Variants in EXOC2 observed in about 807,000 individuals in gnomAD.
EXOC2 encodes exocyst complex component 2.
A neutral mutation model predicts 131.8 loss-of-function variants in EXOC2; 70 were observed. That is an observed-to-expected ratio of 0.53 (90% CI 0.44 to 0.65). EXOC2 has a LOEUF of 0.65. Ranked by LOEUF, EXOC2 falls within the 30% of genes least tolerant of loss-of-function variation. The probability of loss-of-function intolerance (pLI) is 0.00; values close to 1 mark genes in which losing one functional copy is unlikely to be tolerated. For synonymous variants in EXOC2, 411 were observed against 398.4 expected, an observed-to-expected ratio of 1.03 and a Z score of -0.38; for missense variants, 923 against 1,108.6, an observed-to-expected ratio of 0.83 and a Z score of 2.38.
chr6:643,910 T>A (rs1446536762), intron 1 of EXOC2, among the ~76,000 whole-genome samples: 1 of 152,156 alleles, frequency 6.6e-6, no homozygotes, highest in African/African-American at 2.4e-5. Flanking sequence ...AGCTTTATGC[T>A]GATAAATTTT....
At chr6:555,893 AG>A in intron 19 of EXOC2, 60 bp downstream of exon 19, 1 of 1,486,594 alleles carries the variant, frequency 6.7e-7, no homozygotes, top group East Asian at 2.3e-5. Flanking sequence ...TAAATAGGAG[AG>A]GGGTTGACTG....
chr6:607,574 C>T (rs1488960098), intron 7 of EXOC2, among the ~76,000 whole-genome samples: 2 of 152,206 alleles, frequency 1.3e-5, no homozygotes, highest in Non-Finnish European at 2.9e-5. Context: ...GGGACTATTT[C>T]AATTTAAAGC....
chr6:632,920 T>G (rs1761924441), intron 3 of EXOC2, 21 bp downstream of exon 3: 2 of 1,592,448 alleles, frequency 1.3e-6, no homozygotes, highest in Non-Finnish European at 1.7e-6. Context: ...TTCTTTAGAA[T>G]AAACCCATGA....
At chr6:543,848 G>A (rs777304471) in intron 22 of EXOC2, among the ~76,000 whole-genome samples, 7 of 152,162 alleles carry the variant, frequency 4.6e-5, no homozygotes, top group African/African-American at 7.2e-5. Flanking sequence ...TTGAAATCTC[G>A]ATGGAAACTT....
chr6:516,390 C>T (rs924407185), intron 23 of EXOC2, among the ~76,000 whole-genome samples: 3 of 152,174 alleles, frequency 2.0e-5, no homozygotes, highest in Non-Finnish European at 4.4e-5. Context: ...TTCCCACGCA[C>T]AGAGCTAGCT....
chr6:632,062 G>C (rs999145051), intron 3 of EXOC2, among the ~76,000 whole-genome samples: 1 of 152,250 alleles, frequency 6.6e-6, no homozygotes, highest in East Asian at 1.9e-4. Flanking sequence ...TGCTGACCAG[G>C]TGCAAGACAT....
At chr6:650,391 C>G (rs951792079) in intron 1 of EXOC2, among the ~76,000 whole-genome samples, 1 of 152,178 alleles carries the variant, frequency 6.6e-6, no homozygotes, top group Non-Finnish European at 1.5e-5. Flanking sequence ...TTAAATTCAG[C>G]AACTAATGCA....
chr6:688,456 G>A (rs572380969), intron 1 of EXOC2, among the ~76,000 whole-genome samples: 2 of 152,210 alleles, frequency 1.3e-5, no homozygotes, highest in South Asian at 4.1e-4. Context: ...ATACAACTGA[G>A]CACACTGGCA....
chr6:578,850 G>A (rs529752666), intron 11 of EXOC2, among the ~76,000 whole-genome samples: 1 of 152,114 alleles, frequency 6.6e-6, no homozygotes, highest in East Asian at 1.9e-4. Context: ...TTGTGTGGAT[G>A]TTCTAGTGAT....
At chr6:644,398 A>G (rs1311399078) in intron 1 of EXOC2, among the ~76,000 whole-genome samples, 1 of 152,162 alleles carries the variant, frequency 6.6e-6, no homozygotes, top group Non-Finnish European at 1.5e-5. Context: ...CTAACATCCT[A>G]CTTAATGGTG....
intron 24 of EXOC2, among the ~76,000 whole-genome samples, chr6:499,430 A>AACACACACACACACAC (rs5873755): frequency 9.2e-5 from 13 of 141,642 alleles, no homozygotes; most frequent in South Asian, 2.4e-4. Context: ...CTCACAGTTA[A>AACACACACACACACAC]ACACACACAC....
chr6:521,565 T>TC (rs1237025534), intron 23 of EXOC2, among the ~76,000 whole-genome samples: 1 of 152,058 alleles, frequency 6.6e-6, no homozygotes, highest in Admixed American at 6.5e-5. Flanking sequence ...GGTCTGTCTG[T>TC]CACCCAGGCT....
intron 23 of EXOC2, among the ~76,000 whole-genome samples, chr6:518,537 C>T (rs1330566422): frequency 6.6e-6 from 1 of 152,150 alleles, no homozygotes; most frequent in African/African-American, 2.4e-5. Context: ...AATATGTAGG[C>T]CACGGGTCAT....
In EXOC2 at chr6:499,780, T is replaced by C; in HGVS notation, c.2381-80A>G. The C allele has an allele frequency of 3.6e-6, 4 of 1,117,580 alleles. No homozygotes were observed. The South Asian group carries it at 5.3e-5, about 15-fold the overall frequency. The allele number at this position is 1,117,580 out of a possible 1,614,324, so 69.2% of individuals were successfully genotyped here. ...TCCCCTGCTGGCAGGCTGTACCCCA[T>C]GCTTTAGAGTTTTCTGAGGAGAAAC... On this transcript the variant is annotated intron_variant, in intron 23 of 27. Coordinates refer to ENST00000230449, the MANE Select transcript of EXOC2 (RefSeq NM_018303.6).
Position 485,236 on chromosome 6 carries a change from CTTAGCTCACAG to C in EXOC2, c.*1424_*1434del, listed in dbSNP as rs1762984952. 2 of 152,188 alleles carry C rather than the reference CTTAGCTCACAG, an allele frequency of 1.3e-5. No homozygotes were observed. The highest frequency in any genetic ancestry group is 2.9e-5 in the Non-Finnish European group (2 of 68,036). The allele number at this position is 152,188 out of a possible 1,614,324, so 9.4% of individuals were successfully genotyped here. A position where few individuals can be genotyped will look rare whatever the true frequency, so the allele number is the denominator to read the frequency against. On this transcript the variant is annotated 3_prime_UTR_variant, in exon 28 of 28. Coordinates refer to ENST00000230449, the MANE Select transcript of EXOC2 (RefSeq NM_018303.6). ...AACATTCATGATTGCAGTTTTTAAACTTAGCTCACAGTTGAGTTAGATACAACAGTTAACAT... is the reference window on the plus strand; with the variant it reads ...AACATTCATGATTGCAGTTTTTAAACTTGAGTTAGATACAACAGTTAACAT...
Position 535,575 on chromosome 6 carries a change from G to A in EXOC2, c.2239-2965C>T, listed in dbSNP as rs183895960. Among the ~76,000 whole-genome samples the A allele has an allele frequency of 6.7e-4, 102 of 152,242 alleles. 2 individuals are homozygous for A. In the East Asian group the frequency reaches 0.015, roughly 22 times the overall value. ...TGCCATCAAGTCTTGACAACATAGA[G>A]GAAATTGCTAATCTGCTGAAAAACA... On this transcript the variant is annotated intron_variant, in intron 22 of 27. Coordinates refer to ENST00000230449, the MANE Select transcript of EXOC2 (RefSeq NM_018303.6).
chr6:641,360 G>T (rs1245128557), intron 1 of EXOC2, among the ~76,000 whole-genome samples: 6 of 152,158 alleles, frequency 3.9e-5, no homozygotes, highest in Non-Finnish European at 8.8e-5. Context: ...TCCGGCAATA[G>T]GAGGGTCTTT....
intron 13 of EXOC2, among the ~76,000 whole-genome samples, chr6:566,940 G>A (rs1166377287): frequency 8.5e-5 from 13 of 152,132 alleles, no homozygotes; most frequent in Non-Finnish European, 1.6e-4. Flanking sequence ...AGCCCACTGC[G>A]AGCAACGTCA....
At chr6:652,849 T>C (rs1762895080) in intron 1 of EXOC2, among the ~76,000 whole-genome samples, 1 of 152,234 alleles carries the variant, frequency 6.6e-6, no homozygotes, top group Non-Finnish European at 1.5e-5. Context: ...TACTGCACTT[T>C]TTACAAATTG....
Sources: allele counts gnomAD v4.1 joint callset (sites outside exome capture counted in the v4.1 genomes callset), GRCh38; gene constraint gnomAD v4.1.1; transcripts MANE v1.5; gene names NCBI Gene and HGNC (gene_info 2026-07-23, HGNC 2026-07-21).